Variants in HERC3 observed in about 807,000 individuals in gnomAD.
HERC3 encodes the protein probable E3 ubiquitin-protein ligase HERC3.
Under a neutral mutation model 129.9 loss-of-function variants are expected in HERC3, and 58 were observed. That is an observed-to-expected ratio of 0.45 (90% confidence interval 0.36 to 0.56). The LOEUF is 0.56. Among genes scored for constraint, HERC3 ranks in the 20% least tolerant of loss-of-function variants. The pLI is 0.00. For missense variants in HERC3, 835 were observed against 1,244.2 expected, an observed-to-expected ratio of 0.67 and a Z score of 4.95; for synonymous variants, 430 against 451.0, an observed-to-expected ratio of 0.95 and a Z score of 0.59.
At position 88,703,070 on chromosome 4, in the gene HERC3, C is replaced by T. The variant is rs563488803; in HGVS notation, c.2658-1028C>T. 2.8e-4 allele frequency among the ~76,000 whole-genome samples: 42 copies of T among 152,308 alleles called. No individual in the cohort carries two copies. In the Middle Eastern group the frequency reaches 0.01, roughly 37 times the overall value. Reference sequence around the variant, plus strand: ...TTCTGTAACAGTGGGCCCAAATAGGCCAGGATGTGATTAATAATCAGCAGC... The same window carrying T: ...TTCTGTAACAGTGGGCCCAAATAGGTCAGGATGTGATTAATAATCAGCAGC... On this transcript the variant is annotated intron_variant, in intron 23 of 25. Transcript: ENST00000402738.
intron 3 of HERC3, among the ~76,000 whole-genome samples, chr4:88,609,112 CAAAA>C (rs35489177): frequency 2.2e-5 from 2 of 89,742 alleles, no homozygotes; most frequent in African/African-American, 3.7e-5. Context: ...CATACAGATG[CAAAA>C]AAAAAAAAAA....
chr4:88,700,648 T>G (rs1357009074), intron 23 of HERC3, among the ~76,000 whole-genome samples: 4 of 151,830 alleles, frequency 2.6e-5, no homozygotes, highest in Admixed American at 1.3e-4. Flanking sequence ...AGTACCGAAA[T>G]CTATATGTCA....
At chr4:88,539,250 G>A in the HERC3 span, among the ~76,000 whole-genome samples, 6 of 152,164 alleles carry the variant, frequency 3.9e-5, no homozygotes, top group African/African-American at 4.8e-5. Context: ...CTTAGCAACC[G>A]GCAGACCAGG....
At chr4:88,588,852 G>A (rs896495401), upstream of HERC3, among the ~76,000 whole-genome samples, 1 of 152,220 alleles carries the variant, frequency 6.6e-6, no homozygotes, top group Non-Finnish European at 1.5e-5. Flanking sequence ...CAGCAGCCCT[G>A]GGCACCATCC....
chr4:88,526,728 G>A, the HERC3 span, among the ~76,000 whole-genome samples: 1 of 151,982 alleles, frequency 6.6e-6, no homozygotes, highest in African/African-American at 2.4e-5. Flanking sequence ...TAGAGATGGT[G>A]TTTCATGTTG....
chr4:88,617,918 C>T (rs1237592481), intron 3 of HERC3, among the ~76,000 whole-genome samples: 1 of 151,766 alleles, frequency 6.6e-6, no homozygotes, highest in Non-Finnish European at 1.5e-5. Context: ...AAAGTGGGGA[C>T]CATTATGCCC....
At chr4:88,525,710 G>A in the HERC3 span, among the ~76,000 whole-genome samples, 2 of 152,168 alleles carry the variant, frequency 1.3e-5, no homozygotes, top group Non-Finnish European at 2.9e-5. Flanking sequence ...AGGAACATAT[G>A]AATGTATGAC....
chr4:88,645,506 A>T (rs1578232536), intron 3 of HERC3, among the ~76,000 whole-genome samples: 1 of 152,166 alleles, frequency 6.6e-6, no homozygotes, highest in Non-Finnish European at 1.5e-5. Flanking sequence ...TATACTGTAT[A>T]TAGTAGTCCC....
chr4:88,630,732 A>C (rs983133330), intron 3 of HERC3, among the ~76,000 whole-genome samples: 1 of 152,226 alleles, frequency 6.6e-6, no homozygotes, highest in Admixed American at 6.5e-5. Context: ...AAAATTATAT[A>C]TACTACTGTA....
At chr4:88,648,722 G>C (rs1486267006) in intron 3 of HERC3, among the ~76,000 whole-genome samples, 1 of 151,864 alleles carries the variant, frequency 6.6e-6, no homozygotes, top group Non-Finnish European at 1.5e-5. Context: ...AAATTTTCTT[G>C]TGATTTTTTT....
chr4:88,585,831 A>G, the HERC3 span, among the ~76,000 whole-genome samples: 2 of 142,496 alleles, frequency 1.4e-5, no homozygotes, highest in Non-Finnish European at 3.0e-5. Flanking sequence ...TTACTTAACT[A>G]GAAGATTTTA....
the HERC3 span, among the ~76,000 whole-genome samples, chr4:88,552,749 G>A: frequency 6.6e-6 from 1 of 152,170 alleles, no homozygotes; most frequent in African/African-American, 2.4e-5. Context: ...ACAAAGAATA[G>A]GGTCACATTT....
At chr4:88,544,907 G>C in the HERC3 span, among the ~76,000 whole-genome samples, 20 of 152,170 alleles carry the variant, frequency 1.3e-4, 1 homozygote, top group Admixed American at 7.9e-4. Flanking sequence ...GTTGTGGGGT[G>C]GGATGCTGGG....
chr4:88,555,100 A>G, the HERC3 span, among the ~76,000 whole-genome samples: 1 of 152,094 alleles, frequency 6.6e-6, no homozygotes, highest in Non-Finnish European at 1.5e-5. Context: ...CCTGGCCAAC[A>G]TGGTGAAACC....
chr4:88,667,844 A>G, intron 13 of HERC3, 48 bp from the exon 14 acceptor site: 2 of 1,351,804 alleles, frequency 1.5e-6, no homozygotes, highest in Non-Finnish European at 2.1e-6. Flanking sequence ...AAAGTTAACT[A>G]GATCTCAAGT....
At chr4:88,690,386 A>C in intron 23 of HERC3, 1 of 985,404 alleles carries the variant, frequency 1.0e-6, no homozygotes, top group Non-Finnish European at 1.2e-6. Flanking sequence ...ATAACATTGT[A>C]GATGCGTGTG....
the HERC3 span, among the ~76,000 whole-genome samples, chr4:88,561,164 T>C: frequency 6.6e-6 from 1 of 151,802 alleles, no homozygotes; most frequent in African/African-American, 2.4e-5. Flanking sequence ...TGAGAGATTA[T>C]GTGTGACCGC....
intron 18 of HERC3, among the ~76,000 whole-genome samples, chr4:88,676,753 A>G (rs553171830): frequency 1.3e-3 from 192 of 152,382 alleles, no homozygotes; most frequent in African/African-American, 4.0e-3. Flanking sequence ...GCTATATTCC[A>G]ACAAAACTTT....
upstream of HERC3, among the ~76,000 whole-genome samples, chr4:88,588,805 C>T (rs774876598): frequency 6.6e-6 from 1 of 152,208 alleles, no homozygotes; most frequent in Non-Finnish European, 1.5e-5. Flanking sequence ...TGAATGGTAA[C>T]TAATGGAGGA....
Sources: gnomAD v4.1 joint callset for allele counts (sites outside exome capture counted in the v4.1 genomes callset) on GRCh38, gnomAD v4.1.1 for gene constraint, MANE v1.5 for transcripts, NCBI Gene and HGNC (gene_info 2026-07-23, HGNC 2026-07-21) for gene names.